Variants in DLC1 observed in about 807,000 individuals in gnomAD.
DLC1 encodes rho GTPase-activating protein 7.
In DLC1, 54 loss-of-function variants were observed where a neutral mutation model predicts 140.3. That is an observed-to-expected ratio of 0.38 (90% CI 0.31 to 0.48). The LOEUF (loss-of-function observed/expected upper bound fraction) is 0.48, where lower values mean the gene tolerates loss of function less well. Ranked by LOEUF, DLC1 falls within the 20% of genes least tolerant of loss-of-function variation. The pLI is 0.96. For missense variants in DLC1, 2,536 were observed against 1,907.0 expected (o/e 1.33, Z -6.14); for synonymous variants, 986 against 728.1 (o/e 1.35, Z -5.70).
chr8:13,254,731 T>C (rs1348619743), intron 5 of DLC1, among the ~76,000 whole-genome samples: 1 of 145,594 alleles, frequency 6.9e-6, no homozygotes, highest in Non-Finnish European at 1.5e-5. Context: ...AGGGAAAGGG[T>C]ATAGATTTCT....
chr8:13,427,493 T>A (rs575211372), intron 2 of DLC1, among the ~76,000 whole-genome samples: 1 of 152,320 alleles, frequency 6.6e-6, no homozygotes, highest in African/African-American at 2.4e-5. Flanking sequence ...TAGATGAAGA[T>A]TTAAAAGCAT....
At chr8:13,450,452 C>CGAAA (rs1798987694) in intron 2 of DLC1, among the ~76,000 whole-genome samples, 1 of 53,370 alleles carries the variant, frequency 1.9e-5, no homozygotes, top group South Asian at 9.1e-4. Flanking sequence ...GAGACTGTCT[C>CGAAA]AAAAAAAAAA....
intron 5 of DLC1, among the ~76,000 whole-genome samples, chr8:13,299,745 G>A (rs1832109941): frequency 3.3e-5 from 5 of 152,074 alleles, no homozygotes; most frequent in Admixed American, 3.3e-4. Flanking sequence ...TTAATAACAG[G>A]ACCATTTATA....
At chr8:13,086,132 A>T in intron 17 of DLC1, 158 bp downstream of exon 17, 1 of 1,327,866 alleles carries the variant, frequency 7.5e-7, no homozygotes, top group South Asian at 1.5e-5. Context: ...GGTCGCTGAA[A>T]GACCAACAAA....
chr8:13,094,948 A>G lies in DLC1; in HGVS notation c.3337T>C (p.Phe1113Leu), dbSNP rs767495848. 1.2e-6 allele frequency: 2 copies of G among 1,614,192 alleles called. No homozygotes were observed. Among genetic ancestry groups the G allele is most frequent in the Non-Finnish European group, 1.7e-6 (2 of 1,180,036 alleles). The change falls in exon 12 of 18, where the codon TTC becomes CTC. Residue 1113 changes from phenylalanine (F) to leucine (L), a missense_variant. Phe to Leu is a conservative substitution (Grantham distance 22). Transcript: ENST00000276297. ...RNHCLDQVGL[F>L]RKSGVKSRIQ... is the part of the protein sequence containing the mutation. The stretch of plus-strand genomic sequence containing the variant: ...CGGGACTTGACCCCCGATTTTCTGA[A>G]GAGCCCAACCTGTCGGAAGAGCAAC...
intron 5 of DLC1, among the ~76,000 whole-genome samples, chr8:13,265,747 C>T (rs1049393326): frequency 4.6e-5 from 7 of 151,026 alleles, no homozygotes; most frequent in Non-Finnish European, 1.0e-4. Flanking sequence ...TCCCTCCTTT[C>T]CTTTCCTCCC....
intron 5 of DLC1, among the ~76,000 whole-genome samples, chr8:13,210,833 G>T (rs1174613824): frequency 1.3e-5 from 2 of 152,046 alleles, no homozygotes; most frequent in African/African-American, 2.4e-5. Flanking sequence ...TGCTATTCTT[G>T]CCGCTTTTAA....
intron 1 of DLC1, among the ~76,000 whole-genome samples, chr8:13,501,980 A>G (rs1184418730): frequency 1.3e-5 from 2 of 152,198 alleles, no homozygotes; most frequent in Non-Finnish European, 2.9e-5. Flanking sequence ...GAGCCGGCTC[A>G]CTTAAGAAAT....
At chr8:13,217,244 A>G (rs1828247666) in intron 5 of DLC1, among the ~76,000 whole-genome samples, 1 of 152,236 alleles carries the variant, frequency 6.6e-6, no homozygotes, top group African/African-American at 2.4e-5. Flanking sequence ...GAAATATAAT[A>G]CAAGACACAT....
chr8:13,366,345 T>C (rs1156482073), intron 4 of DLC1, among the ~76,000 whole-genome samples: 1 of 152,176 alleles, frequency 6.6e-6, no homozygotes, highest in African/African-American at 2.4e-5. Context: ...GTCCTAAGTA[T>C]GATGATATCG....
rs560266765 is a variant in DLC1, at chr8:13,242,605, C to A, written c.1348+62664G>T. Among the ~76,000 whole-genome samples, 7 of 152,152 alleles carry A rather than the reference C, an allele frequency of 4.6e-5. No individual in the cohort carries two copies. The East Asian group carries it at 1.4e-3, about 30-fold the overall frequency. On this transcript the variant is annotated intron_variant, in intron 5 of 17. Coordinates refer to ENST00000276297, the MANE Select transcript of DLC1 (RefSeq NM_182643.3). ...GACAGAGTTTTGCCGTTTGCCCAGG[C>A]TGATCTTGAACTCCTGGGCTCAAGC... is the stretch of plus-strand genomic sequence containing the variant.
chr8:13,399,607 A>T (rs902643271), intron 3 of DLC1, among the ~76,000 whole-genome samples: 10 of 152,318 alleles, frequency 6.6e-5, no homozygotes, highest in African/African-American at 2.2e-4. Flanking sequence ...GCACACTCTG[A>T]GTGCCTGGGT....
At chr8:13,454,793 A>C (rs1224863706) in intron 2 of DLC1, among the ~76,000 whole-genome samples, 1 of 152,104 alleles carries the variant, frequency 6.6e-6, no homozygotes, top group African/African-American at 2.4e-5. Flanking sequence ...TCCTCAAGTG[A>C]TCCTCCTGCT....
At chr8:13,222,421 G>C (rs1479293981) in intron 5 of DLC1, among the ~76,000 whole-genome samples, 1 of 152,016 alleles carries the variant, frequency 6.6e-6, no homozygotes, top group Non-Finnish European at 1.5e-5. Context: ...CTGATGTTTT[G>C]TTTTATGTAG....
intron 4 of DLC1, among the ~76,000 whole-genome samples, chr8:13,360,315 C>T (rs931923267): frequency 9.2e-5 from 14 of 152,180 alleles, no homozygotes; most frequent in Admixed American, 5.2e-4. Context: ...TTAATATCTA[C>T]CACTGCCAGG....
chr8:13,355,343 C>A (rs532550307), intron 4 of DLC1, among the ~76,000 whole-genome samples: 1 of 152,232 alleles, frequency 6.6e-6, no homozygotes, highest in East Asian at 1.9e-4. Context: ...AACAAATTAT[C>A]CAGGCATGGT....
intron 5 of DLC1, among the ~76,000 whole-genome samples, chr8:13,117,083 AT>A (rs1404884907): frequency 1.3e-5 from 2 of 152,264 alleles, no homozygotes; most frequent in African/African-American, 4.8e-5. Context: ...CAGCAAGGAA[AT>A]AAAGATGTTT....
intron 9 of DLC1, 28 bp from the exon 10 acceptor site, chr8:13,098,603 G>T (rs369390021): frequency 1.3e-6 from 2 of 1,586,412 alleles, no homozygotes; most frequent in African/African-American, 2.7e-5. Context: ...AGGAAAATGA[G>T]TGTGAAGCCT....
chr8:13,283,524 T>C (rs1260343583), intron 5 of DLC1, among the ~76,000 whole-genome samples: 1 of 152,188 alleles, frequency 6.6e-6, no homozygotes, highest in Non-Finnish European at 1.5e-5. Context: ...TTTTTCTTTC[T>C]TTCTTTTTTG....
Sources: allele counts gnomAD v4.1 joint callset (sites outside exome capture counted in the v4.1 genomes callset), GRCh38; gene constraint gnomAD v4.1.1; transcripts MANE v1.5; gene names NCBI Gene and HGNC (gene_info 2026-07-23, HGNC 2026-07-21).